ANKRD29: variants seen among roughly 807,000 people sequenced by gnomAD.
ANKRD29 encodes ankyrin repeat domain 29.
ANKRD29 carries 32 observed loss-of-function variants against 38.0 expected under a neutral mutation model. The observed-to-expected ratio is 0.84, with a 90% CI of 0.64 to 1.13. The LOEUF (loss-of-function observed/expected upper bound fraction) is 1.13. Ranked by LOEUF, ANKRD29 falls within the 50% of genes most tolerant of loss-of-function variation. The pLI, the probability that ANKRD29 is intolerant of heterozygous loss-of-function variation, is 0.00. For missense variants in ANKRD29, 357 were observed against 377.9 expected (o/e 0.94, Z 0.46); for synonymous variants, 135 against 152.4 (o/e 0.89, Z 0.84).
chr18:23,638,706 T>C, intron 4 of ANKRD29, 143 bp downstream of exon 4: 1 of 665,484 alleles, frequency 1.5e-6, no homozygotes, highest in East Asian at 3.0e-5. Flanking sequence ...CCACTACAAG[T>C]AACCTTGAGG....
In ANKRD29 at chr18:23,610,084, T is replaced by A. The variant is rs28563853; in HGVS notation, c.822+2008A>T. Among the ~76,000 whole-genome samples the A allele has an allele frequency of 1.0e-2, 1,512 of 151,580 alleles. 20 individuals carry two copies. Among genetic ancestry groups the A allele is most frequent in the African/African-American group, 0.035 (1,440 of 40,874 alleles). Reference sequence around the variant, plus strand: ...TAAAAAAAAATTTAACACAGTAAGATATGCTTAGAAAAATTCAGAGTATGT... The same window carrying A: ...TAAAAAAAAATTTAACACAGTAAGAAATGCTTAGAAAAATTCAGAGTATGT... On this transcript the variant is annotated intron_variant, in intron 9 of 9. Coordinates refer to ENST00000592179, the MANE Select transcript of ANKRD29 (RefSeq NM_173505.4).
At chr18:23,613,714 C>T (rs1339452499) in intron 8 of ANKRD29, among the ~76,000 whole-genome samples, 1 of 151,556 alleles carries the variant, frequency 6.6e-6, no homozygotes, top group Non-Finnish European at 1.5e-5. Context: ...ATTCTCCTGC[C>T]TCAGTCTTCC....
rs1458913407 is a variant in ANKRD29, at chr18:23,656,350, T to C, written c.21+6360A>G. 2.0e-5 allele frequency among the ~76,000 whole-genome samples: 3 copies of C among 152,258 alleles called. No individual in the cohort carries two copies. The East Asian group carries it at 5.8e-4, about 29-fold the overall frequency. ...AAATTGTGACTTATAATGCTCTATT[T>C]ATTCTTCCACAGACTCGCCTAACAA... On this transcript the variant is annotated intron_variant, in intron 1 of 9. Coordinates refer to ENST00000592179, the MANE Select transcript of ANKRD29 (RefSeq NM_173505.4).
chr18:23,621,045 C>A (rs912922387), intron 6 of ANKRD29, among the ~76,000 whole-genome samples: 3 of 152,124 alleles, frequency 2.0e-5, no homozygotes, highest in Non-Finnish European at 2.9e-5. Context: ...AGGCTCTCCA[C>A]CCCCATCTCA....
At chr18:23,630,834 C>T (rs2059921683) in intron 5 of ANKRD29, among the ~76,000 whole-genome samples, 1 of 149,082 alleles carries the variant, frequency 6.7e-6, no homozygotes, top group Non-Finnish European at 1.5e-5. Flanking sequence ...GGCGAGGTGG[C>T]ATGTGCTTAT....
intron 1 of ANKRD29, among the ~76,000 whole-genome samples, chr18:23,661,704 C>T (rs1652367): frequency 1.6e-4 from 24 of 152,284 alleles, no homozygotes; most frequent in African/African-American, 4.8e-4. Context: ...AGCAAAACTC[C>T]GTCTCAGGAA....
intron 4 of ANKRD29, among the ~76,000 whole-genome samples, chr18:23,637,509 C>T (rs567979168): frequency 3.9e-5 from 6 of 152,042 alleles, no homozygotes; most frequent in South Asian, 2.1e-4. Context: ...GTGATCTGCC[C>T]GCCTCAGCCT....
At chr18:23,622,038 C>G (rs536187807) in intron 6 of ANKRD29, among the ~76,000 whole-genome samples, 1 of 151,986 alleles carries the variant, frequency 6.6e-6, no homozygotes, top group Admixed American at 6.6e-5. Flanking sequence ...GGTTTCCATA[C>G]GACTGCAGTG....
intron 1 of ANKRD29, among the ~76,000 whole-genome samples, chr18:23,653,975 G>C (rs2060244506): frequency 6.6e-6 from 1 of 152,014 alleles, no homozygotes; most frequent in African/African-American, 2.4e-5. Flanking sequence ...CGGGATTTAA[G>C]TCCAAGTTTG....
rs1372867232 is a variant in ANKRD29, at chr18:23,608,427, T to A, written c.822+3665A>T. 4.6e-5 allele frequency among the ~76,000 whole-genome samples: 7 copies of A among 152,310 alleles called. No individual in the cohort carries two copies. In the East Asian group the frequency reaches 1.3e-3, roughly 29 times the overall value. On this transcript the variant is annotated intron_variant, in intron 9 of 9. Coordinates refer to ENST00000592179, the MANE Select transcript of ANKRD29 (RefSeq NM_173505.4). ...AGGAGTGCCCACACATGTTTTCAAG[T>A]CATTTTTAAGGGAGGGTCCAAAGTC...
At chr18:23,620,168 C>T (rs1482172262) in intron 6 of ANKRD29, among the ~76,000 whole-genome samples, 3 of 152,134 alleles carry the variant, frequency 2.0e-5, no homozygotes, top group African/African-American at 7.2e-5. Context: ...GTCTGCGGGT[C>T]AGAGAACTCA....
At chr18:23,606,212 A>G (rs192982838) in intron 9 of ANKRD29, among the ~76,000 whole-genome samples, 11 of 152,316 alleles carry the variant, frequency 7.2e-5, no homozygotes, top group Admixed American at 4.6e-4. Flanking sequence ...CCTGGGTTCA[A>G]GTGATCTTTC....
Position 23,617,838 on chromosome 18 carries a change from A to G in ANKRD29, c.628-11T>C. ...TGCTGTTGTGCCATCCTTAACAGAA[A>G]GAGGAAAATAAAAGTTGATTATTAA... On this transcript the variant is annotated splice_polypyrimidine_tract_variant and intron_variant, in intron 7 of 9. Coordinates refer to ENST00000592179, the MANE Select transcript of ANKRD29 (RefSeq NM_173505.4). 6.2e-7 allele frequency: 1 copy of G among 1,610,922 alleles called. No individual in the cohort carries two copies. The highest frequency in any genetic ancestry group is 2.2e-5 in the East Asian group (1 of 44,852).
intron 6 of ANKRD29, among the ~76,000 whole-genome samples, chr18:23,629,292 C>T (rs542233263): frequency 6.6e-6 from 1 of 152,368 alleles, no homozygotes; most frequent in South Asian, 2.1e-4. Flanking sequence ...GACTACATTT[C>T]TGTTCTTTTA....
intron 9 of ANKRD29, among the ~76,000 whole-genome samples, chr18:23,610,206 A>G (rs1190527643): frequency 6.6e-6 from 1 of 152,190 alleles, no homozygotes; most frequent in Non-Finnish European, 1.5e-5. Context: ...GGCTGGGCGC[A>G]GTGGCTCACG....
intron 1 of ANKRD29, among the ~76,000 whole-genome samples, chr18:23,649,726 TTTTG>T (rs2060187356): frequency 1.3e-5 from 2 of 151,996 alleles, no homozygotes; most frequent in South Asian, 2.2e-4. Flanking sequence ...AATTTTCTTT[TTTTG>T]TTTGTTTGTT....
chr18:23,617,703 G>A lies in ANKRD29; in HGVS notation c.723+29C>T, dbSNP rs1285395579. On this transcript the variant is annotated intron_variant, in intron 8 of 9. Transcript: ENST00000592179. ...CTTACTTTCTAACCTCTCTCTTACA[G>A]ATTAGTAAAATTTATCTTTAGGTCT... The A allele has an allele frequency of 4.4e-6, 7 of 1,585,270 alleles. No individual in the cohort carries two copies. The South Asian group carries it at 6.6e-5, about 15-fold the overall frequency.
intron 1 of ANKRD29, among the ~76,000 whole-genome samples, chr18:23,655,617 G>C (rs551060429): frequency 6.6e-6 from 1 of 151,534 alleles, no homozygotes; most frequent in East Asian, 2.0e-4. Context: ...GCTAATTTTC[G>C]TACTTTTTAG....
At chr18:23,638,034 G>C (rs1189848126) in intron 4 of ANKRD29, among the ~76,000 whole-genome samples, 1 of 113,174 alleles carries the variant, frequency 8.8e-6, no homozygotes, top group Non-Finnish European at 1.6e-5. Flanking sequence ...GTCTCACTCT[G>C]TCGCCCAGGC....
Sources: gnomAD v4.1 joint callset for allele counts (sites outside exome capture counted in the v4.1 genomes callset) on GRCh38, gnomAD v4.1.1 for gene constraint, MANE v1.5 for transcripts, NCBI Gene and HGNC (gene_info 2026-07-23, HGNC 2026-07-21) for gene names.